The following COP1 variants were observed in gnomAD, a reference collection of about 807,000 sequenced individuals.
COP1 encodes the protein COP1 E3 ubiquitin ligase, also known as E3 ubiquitin-protein ligase COP1.
A neutral mutation model predicts 101.3 loss-of-function variants in COP1; 24 were observed. That is an observed-to-expected ratio of 0.24 (90% CI 0.17 to 0.33). The LOEUF (loss-of-function observed/expected upper bound fraction) is 0.33, where lower values mean the gene tolerates loss of function less well. COP1 is among the 10% of genes least tolerant of loss of function. COP1 has a pLI of 1.00. For missense variants in COP1, 663 were observed against 906.2 expected, an observed-to-expected ratio of 0.73 and a Z score of 3.45; for synonymous variants, 347 against 341.9, an observed-to-expected ratio of 1.01 and a Z score of -0.17.
intron 11 of COP1, among the ~76,000 whole-genome samples, chr1:176,063,772 C>T (rs906955246): frequency 3.3e-5 from 5 of 152,110 alleles, no homozygotes; most frequent in African/African-American, 4.8e-5. Context: ...TGTAAAAATA[C>T]ACAAATAGGA....
chr1:175,982,528 A>T (rs1265895794), intron 18 of COP1: 1 of 358,040 alleles, frequency 2.8e-6, no homozygotes, highest in African/African-American at 2.1e-5. Context: ...TGATTTTCTT[A>T]ATAATATTTT....
chr1:175,970,385 C>T lies in COP1; in HGVS notation c.2133+16558G>A, dbSNP rs80191494. Among the ~76,000 whole-genome samples the T allele has an allele frequency of 2.6e-5, 4 of 152,106 alleles. No individual in the cohort carries two copies. In the East Asian group the frequency reaches 7.7e-4, roughly 29 times the overall value. On this transcript the variant is annotated intron_variant, in intron 18 of 19. Transcript: ENST00000367669. ...AAGCCGGAATGGGAATAGTATGGGA[C>T]AATGAAGAAACTTTCTTAATGAAGT...
intron 9 of COP1, among the ~76,000 whole-genome samples, chr1:176,089,538 C>A (rs975549565): frequency 6.6e-6 from 1 of 152,170 alleles, no homozygotes; most frequent in Non-Finnish European, 1.5e-5. Context: ...AACAACTGTA[C>A]CACAATGCCA....
intron 14 of COP1, among the ~76,000 whole-genome samples, chr1:176,040,079 A>C (rs920607049): frequency 1.3e-5 from 2 of 152,228 alleles, no homozygotes; most frequent in Non-Finnish European, 2.9e-5. Flanking sequence ...CAACACAAGA[A>C]AAAATAAACT....
chr1:176,092,431 T>A (rs1429529960), intron 9 of COP1, among the ~76,000 whole-genome samples: 1 of 152,076 alleles, frequency 6.6e-6, no homozygotes, highest in African/African-American at 2.4e-5. Flanking sequence ...AAATTAATCA[T>A]TAAAAAGGTG....
rs550473326 is a variant in COP1, at chr1:175,973,260, C to G, written c.2133+13683G>C. Among the ~76,000 whole-genome samples the G allele has an allele frequency of 3.2e-4, 49 of 152,280 alleles. 3 individuals are homozygous for G. The East Asian group carries it at 6.0e-3, about 19-fold the overall frequency. ...CATGACAGTTTAGTAAAAGAGTTAA[C>G]TTTGCAAATGGAAATACATTGAGAA... On this transcript the variant is annotated intron_variant, in intron 18 of 19. Coordinates refer to ENST00000367669, the MANE Select transcript of COP1 (RefSeq NM_022457.7).
At chr1:176,052,486 G>A (rs922144156) in intron 11 of COP1, among the ~76,000 whole-genome samples, 7 of 152,036 alleles carry the variant, frequency 4.6e-5, no homozygotes, top group African/African-American at 1.7e-4. Context: ...GACTGAATTA[G>A]GATAAATTTC....
chr1:176,059,110 T>C (rs1440303197), intron 11 of COP1, among the ~76,000 whole-genome samples: 2 of 152,234 alleles, frequency 1.3e-5, no homozygotes, highest in African/African-American at 2.4e-5. Flanking sequence ...CACACTTTAA[T>C]GTTTAATTAA....
intron 15 of COP1, among the ~76,000 whole-genome samples, chr1:176,002,851 T>C (rs1473259781): frequency 6.6e-6 from 1 of 151,778 alleles, no homozygotes; most frequent in African/African-American, 2.4e-5. Context: ...GCATGATTTA[T>C]AGTCCTTTGG....
At chr1:175,976,076 GGTC>G (rs1654467143) in intron 18 of COP1, among the ~76,000 whole-genome samples, 1 of 90,414 alleles carries the variant, frequency 1.1e-5, no homozygotes, top group Non-Finnish European at 2.7e-5. Flanking sequence ...AGGTCTCAAA[GGTC>G]TCAATCCTTT....
At position 176,201,742 on chromosome 1, in the gene COP1, G is replaced by T. The variant is rs552269107; in HGVS notation, c.407+4830C>A. On this transcript the variant is annotated intron_variant, in intron 1 of 19. Transcript: ENST00000367669. ...CATTGATGCTGATGCCCCACCATCT[G>T]ATAGTCCACAGGTCTGACAGTACCA... 3.3e-5 allele frequency among the ~76,000 whole-genome samples: 5 copies of T among 152,290 alleles called. No homozygotes were observed. The South Asian group carries it at 1.0e-3, about 32-fold the overall frequency.
At chr1:175,954,513 CA>C (rs1650368797) in intron 18 of COP1, among the ~76,000 whole-genome samples, 1 of 151,534 alleles carries the variant, frequency 6.6e-6, no homozygotes, top group African/African-American at 2.4e-5. Flanking sequence ...TACGCCTTAA[CA>C]AAAAGAAAAT....
At chr1:175,948,806 G>C (rs1649491223) in intron 18 of COP1, among the ~76,000 whole-genome samples, 1 of 152,042 alleles carries the variant, frequency 6.6e-6, no homozygotes, top group African/African-American at 2.4e-5. Flanking sequence ...AGACATGTGG[G>C]CATGGGAATT....
Position 176,139,297 on chromosome 1 carries a change from AAAAC to A in COP1, c.832-2754_832-2751del, listed in dbSNP as rs1451233063. On this transcript the variant is annotated intron_variant, in intron 6 of 19. Transcript: ENST00000367669. ...ACAAAAACAAAAAAAACAAAAAAAA[AAAAC>A]AAAAAAAGAGATGCTGGTGAGGCTG... Among the ~76,000 whole-genome samples, 5 of 151,902 alleles carry A rather than the reference AAAAC, an allele frequency of 3.3e-5. No individual in the cohort carries two copies. In the East Asian group the frequency reaches 5.8e-4, roughly 18 times the overall value.
At chr1:175,983,590 T>A (rs935587127) in intron 18 of COP1, among the ~76,000 whole-genome samples, 1 of 152,150 alleles carries the variant, frequency 6.6e-6, no homozygotes. Context: ...GCTGAAAAGA[T>A]ACCCCAAAAT....
In COP1 at chr1:176,156,909, A is replaced by G. The variant is rs1317683390; in HGVS notation, c.762+5960T>C. 2.0e-5 allele frequency among the ~76,000 whole-genome samples: 3 copies of G among 152,196 alleles called. No homozygotes were observed. In the South Asian group the frequency reaches 6.2e-4, roughly 31 times the overall value. ...AAGGAGGAAAAACAAATTTAATAAT[A>G]TTAACTGGCTGGGTCTGGTGGCTCA... On this transcript the variant is annotated intron_variant, in intron 5 of 19. Coordinates refer to ENST00000367669, the MANE Select transcript of COP1 (RefSeq NM_022457.7).
intron 9 of COP1, among the ~76,000 whole-genome samples, chr1:176,092,516 T>C (rs1328880368): frequency 6.6e-6 from 1 of 152,168 alleles, no homozygotes; most frequent in Non-Finnish European, 1.5e-5. Context: ...TATATCTATT[T>C]CTCTAAGACC....
At chr1:176,124,844 C>G (rs1387276058) in intron 8 of COP1, among the ~76,000 whole-genome samples, 1 of 152,180 alleles carries the variant, frequency 6.6e-6, no homozygotes, top group African/African-American at 2.4e-5. Flanking sequence ...AACCTCCAAA[C>G]CATTCTCCAT....
chr1:175,985,767 A>G (rs1656968212), intron 18 of COP1, among the ~76,000 whole-genome samples: 1 of 151,912 alleles, frequency 6.6e-6, no homozygotes, highest in African/African-American at 2.4e-5. Context: ...CTTTTTTTCT[A>G]ATTTTACTTG....
Sources: gnomAD v4.1 joint callset for allele counts (sites outside exome capture counted in the v4.1 genomes callset) on GRCh38, gnomAD v4.1.1 for gene constraint, MANE v1.5 for transcripts, NCBI Gene and HGNC (gene_info 2026-07-23, HGNC 2026-07-21) for gene names.